Variants in ESR1 observed in about 807,000 individuals in gnomAD.
ESR1 encodes estrogen receptor 1.
Under a neutral mutation model 52.7 loss-of-function variants are expected in ESR1, and 12 were observed. The observed-to-expected ratio is 0.23, with a 90% CI of 0.15 to 0.37. The LOEUF is 0.37. Among genes scored for constraint, ESR1 ranks in the 10% least tolerant of loss-of-function variants. ESR1 has a pLI of 1.00. For missense variants in ESR1, 584 were observed against 779.7 expected (o/e 0.75, Z 2.99); for synonymous variants, 305 against 316.8 (o/e 0.96, Z 0.39).
At chr6:151,915,291 T>C (rs1489437904) in intron 3 of ESR1, among the ~76,000 whole-genome samples, 2 of 152,178 alleles carry the variant, frequency 1.3e-5, no homozygotes, top group African/African-American at 4.8e-5. Context: ...TTACCAAGAA[T>C]GCATGGAATT....
intron 3 of ESR1, among the ~76,000 whole-genome samples, chr6:151,915,414 T>C (rs549513231): frequency 1.3e-5 from 2 of 152,280 alleles, no homozygotes; most frequent in South Asian, 2.1e-4. Flanking sequence ...AACAGGAGCA[T>C]TTCCCCCTTA....
At chr6:152,051,012 A>T (rs114184974) in intron 5 of ESR1, among the ~76,000 whole-genome samples, 1 of 152,308 alleles carries the variant, frequency 6.6e-6, no homozygotes. Context: ...TGTAGAGTAG[A>T]TGCCACCTCT....
chr6:152,047,177 T>C (rs2046295119), intron 5 of ESR1, among the ~76,000 whole-genome samples: 1 of 152,060 alleles, frequency 6.6e-6, no homozygotes, highest in Non-Finnish European at 1.5e-5. Context: ...CAGTTGGAGA[T>C]CATCTCATCC....
chr6:151,688,082 G>GAT (rs1411249061), upstream of ESR1, among the ~76,000 whole-genome samples: 6 of 151,862 alleles, frequency 4.0e-5, no homozygotes, highest in South Asian at 4.1e-4. Context: ...TTCCTTGAAG[G>GAT]ATATATATAT....
At chr6:151,887,040 C>CA (rs11316986) in intron 3 of ESR1, among the ~76,000 whole-genome samples, 6,439 of 90,670 alleles carry the variant, frequency 0.071, 473 homozygotes, top group African/African-American at 0.19. Context: ...GACTCCATCT[C>CA]AAAAAAAAAA....
chr6:152,047,337 A>G (rs1430919420), intron 5 of ESR1, among the ~76,000 whole-genome samples: 1 of 152,140 alleles, frequency 6.6e-6, no homozygotes, highest in Non-Finnish European at 1.5e-5. Flanking sequence ...GTGAGAAGTC[A>G]ACATGAAAAT....
At chr6:151,699,808 C>G (rs1779631991) in intron 1 of ESR1, among the ~76,000 whole-genome samples, 2 of 152,158 alleles carry the variant, frequency 1.3e-5, no homozygotes, top group Non-Finnish European at 2.9e-5. Flanking sequence ...AATGCTGGCT[C>G]TTTCTTCATC....
intron 5 of ESR1, among the ~76,000 whole-genome samples, chr6:152,023,876 C>T (rs2043900550): frequency 6.6e-6 from 1 of 152,150 alleles, no homozygotes; most frequent in African/African-American, 2.4e-5. Context: ...ATACTTTAGC[C>T]TGCTTACCAA....
intron 1 of ESR1, chr6:151,813,438 G>A (rs757131556): frequency 4.6e-5 from 7 of 151,994 alleles, no homozygotes; most frequent in Non-Finnish European, 7.4e-5. Context: ...TTGGGTAGGT[G>A]GTATTTCTGG....
At chr6:151,974,921 C>T (rs1003229977) in intron 4 of ESR1, among the ~76,000 whole-genome samples, 1 of 152,136 alleles carries the variant, frequency 6.6e-6, no homozygotes, top group Non-Finnish European at 1.5e-5. Flanking sequence ...GTGTTTAGGC[C>T]CATCCCTACT....
chr6:151,791,421 T>A (rs1002467794), intron 2 of ESR1, among the ~76,000 whole-genome samples: 1 of 152,238 alleles, frequency 6.6e-6, no homozygotes, highest in African/African-American at 2.4e-5. Context: ...TCCTTTGTCT[T>A]CTGCCATGAT....
upstream of ESR1, among the ~76,000 whole-genome samples, chr6:151,687,059 C>T (rs559718971): frequency 9.8e-5 from 15 of 152,316 alleles, no homozygotes; most frequent in Admixed American, 6.5e-4. Flanking sequence ...CTTTGCGGCT[C>T]ATGACCTCAG....
At chr6:151,967,281 C>G (rs551144433) in intron 4 of ESR1, among the ~76,000 whole-genome samples, 42 of 152,132 alleles carry the variant, frequency 2.8e-4, no homozygotes, top group African/African-American at 9.4e-4. Context: ...TTTGCTGCAC[C>G]CACCAACCCA....
At chr6:151,720,042 T>A (rs1781347173) in intron 2 of ESR1, among the ~76,000 whole-genome samples, 1 of 152,224 alleles carries the variant, frequency 6.6e-6, no homozygotes. Flanking sequence ...TTGATAATAA[T>A]AAAGAAAGGG....
chr6:151,964,712 A>G (rs2982696), intron 4 of ESR1, among the ~76,000 whole-genome samples: 121,906 of 150,656 alleles, frequency 0.81, 49,636 homozygotes, highest in Middle Eastern at 0.9. Flanking sequence ...TGCGATCTCC[A>G]CTCACTGCAA....
At chr6:151,823,424 A>AT (rs1310940620) in intron 1 of ESR1, among the ~76,000 whole-genome samples, 6 of 152,112 alleles carry the variant, frequency 3.9e-5, no homozygotes, top group East Asian at 3.9e-4. Flanking sequence ...AAGAAGGATA[A>AT]TTTTTTTTGA....
At chr6:152,018,363 A>G (rs192646686) in intron 5 of ESR1, among the ~76,000 whole-genome samples, 8 of 151,832 alleles carry the variant, frequency 5.3e-5, no homozygotes, top group East Asian at 3.9e-4. Context: ...TTTATTAGCT[A>G]TCTTTTTCCC....
At chr6:152,074,673 T>C (rs2048592701) in intron 6 of ESR1, among the ~76,000 whole-genome samples, 1 of 152,218 alleles carries the variant, frequency 6.6e-6, no homozygotes, top group African/African-American at 2.4e-5. Flanking sequence ...CAAACCATCT[T>C]CCCAAGTGGC....
At chr6:152,106,276 A>G (rs959370855), downstream of ESR1, among the ~76,000 whole-genome samples, 2 of 152,170 alleles carry the variant, frequency 1.3e-5, no homozygotes, top group African/African-American at 4.8e-5. Flanking sequence ...CTATCTTTTT[A>G]AAAAAATTGA....
Sources: allele counts gnomAD v4.1 joint callset (sites outside exome capture counted in the v4.1 genomes callset), GRCh38; gene constraint gnomAD v4.1.1; transcripts MANE v1.5; gene names NCBI Gene and HGNC (gene_info 2026-07-23, HGNC 2026-07-21).